C9orf85: variants seen among roughly 807,000 people sequenced by gnomAD.
C9orf85 encodes the protein uncharacterized protein C9orf85.
In C9orf85, 16 loss-of-function variants were observed where a neutral mutation model predicts 14.9. The observed-to-expected ratio is 1.08, with a 90% CI of 0.73 to 1.63. The LOEUF (loss-of-function observed/expected upper bound fraction) is 1.63, where lower values mean the gene tolerates loss of function less well. Ranked by LOEUF, C9orf85 falls within the 40% of genes most tolerant of loss-of-function variation. C9orf85 has a pLI of 0.00. For missense variants in C9orf85, 172 were observed against 186.1 expected (o/e 0.92, Z 0.44); for synonymous variants, 45 against 56.8 (o/e 0.79, Z 0.93).
In C9orf85 at chr9:71,912,602, C is replaced by A. The variant is rs1589240317; in HGVS notation, c.102+766C>A. Among the ~76,000 whole-genome samples the A allele has an allele frequency of 2.0e-5, 3 of 151,900 alleles. No homozygotes were observed. In the South Asian group the frequency reaches 6.3e-4, roughly 32 times the overall value. ...TCTGTACTAAAAATACAAAAATTAG[C>A]CGGGCGTGGTGGCGGGCGCTTGTAA... is the stretch of plus-strand genomic sequence containing the variant. On this transcript the variant is annotated intron_variant, in intron 1 of 3. Coordinates refer to ENST00000334731, the MANE Select transcript of C9orf85 (RefSeq NM_182505.5).
At chr9:71,968,826 C>A (rs1330172790) in intron 2 of C9orf85, among the ~76,000 whole-genome samples, 1 of 152,126 alleles carries the variant, frequency 6.6e-6, no homozygotes, top group African/African-American at 2.4e-5. Context: ...CTGTGTCGTT[C>A]CCCTATTGGC....
At chr9:71,920,059 C>T (rs1207299463) in intron 1 of C9orf85, among the ~76,000 whole-genome samples, 1 of 152,054 alleles carries the variant, frequency 6.6e-6, no homozygotes, top group Non-Finnish European at 1.5e-5. Flanking sequence ...CCATGCTGGC[C>T]AGGACAGTCT....
chr9:71,931,173 G>A (rs189264743), intron 1 of C9orf85, among the ~76,000 whole-genome samples: 25 of 152,272 alleles, frequency 1.6e-4, no homozygotes, highest in Non-Finnish European at 1.2e-4. Context: ...TACAGAGTGA[G>A]AATCTGGGAA....
chr9:71,961,596 T>C (rs1822526319), intron 2 of C9orf85, among the ~76,000 whole-genome samples: 1 of 151,930 alleles, frequency 6.6e-6, no homozygotes, highest in South Asian at 2.1e-4. Context: ...ATTCCAAGAG[T>C]ATTAAAATGT....
At chr9:71,981,776 G>A (rs1418288469) in intron 3 of C9orf85, among the ~76,000 whole-genome samples, 1 of 152,086 alleles carries the variant, frequency 6.6e-6, no homozygotes, top group Non-Finnish European at 1.5e-5. Flanking sequence ...AGGAATTCTT[G>A]GCCTGGAAAT....
intron 1 of C9orf85, among the ~76,000 whole-genome samples, chr9:71,920,973 T>C (rs1408171753): frequency 2.6e-5 from 4 of 152,036 alleles, no homozygotes; most frequent in Non-Finnish European, 5.9e-5. Context: ...GGTCAAGACA[T>C]GCCTCATCAT....
At chr9:71,941,620 A>G (rs941730248) in intron 1 of C9orf85, among the ~76,000 whole-genome samples, 1 of 152,224 alleles carries the variant, frequency 6.6e-6, no homozygotes, top group Non-Finnish European at 1.5e-5. Context: ...AAAAATATTC[A>G]TGTAATAGGG....
At chr9:71,985,666 T>C (rs190821938), downstream of C9orf85, 1 of 152,374 alleles carries the variant, frequency 6.6e-6, no homozygotes, top group African/African-American at 2.4e-5. Flanking sequence ...CTCCAAAGAT[T>C]CTGACTTAAA....
chr9:71,929,659 C>T (rs1189564470), intron 1 of C9orf85, among the ~76,000 whole-genome samples: 2 of 151,860 alleles, frequency 1.3e-5, no homozygotes, highest in African/African-American at 4.8e-5. Context: ...ATGTATAATA[C>T]TCTAATGTTA....
At chr9:71,941,763 T>C (rs552419895) in intron 1 of C9orf85, 1 of 152,310 alleles carries the variant, frequency 6.6e-6, no homozygotes, top group East Asian at 1.9e-4. Flanking sequence ...ATAAACTGAC[T>C]ACATTCAGTG....
At chr9:71,965,303 C>T (rs1022622778) in intron 2 of C9orf85, among the ~76,000 whole-genome samples, 1 of 152,130 alleles carries the variant, frequency 6.6e-6, no homozygotes, top group Admixed American at 6.6e-5. Flanking sequence ...AGTGAGCTCT[C>T]TTTACTACCT....
intron 1 of C9orf85, among the ~76,000 whole-genome samples, chr9:71,944,288 TATATATTAAGTAGG>T (rs1822026603): frequency 6.6e-6 from 1 of 151,962 alleles, no homozygotes; most frequent in African/African-American, 2.4e-5. Flanking sequence ...AGACGTTATG[TATATATTAAGTAGG>T]CATGTTTTTT....
intron 2 of C9orf85, among the ~76,000 whole-genome samples, chr9:71,961,803 TAAAATTGCCTGCCCTA>T (rs1822531466): frequency 6.6e-6 from 1 of 152,216 alleles, no homozygotes; most frequent in African/African-American, 2.4e-5. Context: ...TGCTTTGATT[TAAAATTGCCTGCCCTA>T]AAGTATTGAA....
intron 1 of C9orf85, among the ~76,000 whole-genome samples, chr9:71,927,964 T>G (rs985798659): frequency 2.6e-5 from 4 of 152,076 alleles, no homozygotes. Flanking sequence ...GGCGGGTGGA[T>G]CACTTGAGGC....
At chr9:71,944,770 A>T (rs1822038801) in intron 1 of C9orf85, among the ~76,000 whole-genome samples, 1 of 152,140 alleles carries the variant, frequency 6.6e-6, no homozygotes, top group Non-Finnish European at 1.5e-5. Context: ...TTTTAAGTGA[A>T]AAGTACTATT....
intron 1 of C9orf85, among the ~76,000 whole-genome samples, chr9:71,942,172 A>C (rs1159077928): frequency 6.6e-6 from 1 of 152,154 alleles, no homozygotes; most frequent in Non-Finnish European, 1.5e-5. Context: ...ACTGTATTGC[A>C]CTCTGTTTTG....
At chr9:71,946,032 A>G (rs1359839237) in intron 1 of C9orf85, among the ~76,000 whole-genome samples, 1 of 152,186 alleles carries the variant, frequency 6.6e-6, no homozygotes, top group Non-Finnish European at 1.5e-5. Flanking sequence ...CTTTCCCAAC[A>G]CATTTTGAAA....
chr9:71,935,834 A>T (rs1418826770), intron 1 of C9orf85, among the ~76,000 whole-genome samples: 1 of 152,084 alleles, frequency 6.6e-6, no homozygotes, highest in Non-Finnish European at 1.5e-5. Context: ...GAATGTATTT[A>T]ATACCACTCA....
chr9:71,926,980 G>A (rs1457075195), intron 1 of C9orf85, among the ~76,000 whole-genome samples: 1 of 151,966 alleles, frequency 6.6e-6, no homozygotes, highest in African/African-American at 2.4e-5. Flanking sequence ...TCTATCAAGT[G>A]CTTTCTAGGA....
Sources: allele counts gnomAD v4.1 joint callset (sites outside exome capture counted in the v4.1 genomes callset), GRCh38; gene constraint gnomAD v4.1.1; transcripts MANE v1.5; gene names NCBI Gene and HGNC (gene_info 2026-07-23, HGNC 2026-07-21).